The following SEMA3G variants were observed in gnomAD, a reference collection of about 807,000 sequenced individuals.
SEMA3G encodes the protein semaphorin 3G.
A neutral mutation model predicts 86.2 loss-of-function variants in SEMA3G; 70 were observed. The ratio of observed to expected loss-of-function variants is 0.81; its 90% confidence interval spans 0.67 to 0.99. SEMA3G has a LOEUF of 0.99. SEMA3G is among the 50% of genes least tolerant of loss of function. The pLI is 0.00. For synonymous variants in SEMA3G, 416 were observed against 441.4 expected, an observed-to-expected ratio of 0.94 and a Z score of 0.72; for missense variants, 1,002 against 1,072.4, an observed-to-expected ratio of 0.93 and a Z score of 0.92.
Position 52,436,350 on chromosome 3 carries a change from G to T in SEMA3G, c.1879-277C>A, listed in dbSNP as rs185946130. The stretch of plus-strand genomic sequence containing the variant: ...CCTTAGTCAGAGGACTCCAATCTTG[G>T]CCTCAGAGGGCCCTGGCACACATTC... On this transcript the variant is annotated intron_variant, in intron 15 of 15. Coordinates refer to ENST00000231721, the MANE Select transcript of SEMA3G (RefSeq NM_020163.3). Among the ~76,000 whole-genome samples, 196 of 152,336 alleles carry T rather than the reference G, an allele frequency of 1.3e-3. 1 individual carries two copies. Among genetic ancestry groups the T allele is most frequent in the South Asian group, 3.3e-3 (16 of 4,830 alleles).
At chr3:52,440,715 A>G in intron 9 of SEMA3G, 39 bp downstream of exon 9, 3 of 1,579,726 alleles carry the variant, frequency 1.9e-6, no homozygotes, top group Non-Finnish European at 2.6e-6. Context: ...GGACAAAGAC[A>G]GGGGCCCATC....
intron 5 of SEMA3G, 52 bp downstream of exon 5, chr3:52,441,767 A>T: frequency 6.3e-7 from 1 of 1,590,020 alleles, no homozygotes. Flanking sequence ...TCCCAGTGAC[A>T]TAGGCCAGCT....
intron 15 of SEMA3G, 49 bp from the exon 16 acceptor site, chr3:52,436,122 C>T (rs747545193): frequency 3.7e-5 from 56 of 1,533,914 alleles, no homozygotes; most frequent in Non-Finnish European, 4.7e-5. Context: ...TGGGAGTTTA[C>T]CATCGGCTTC....
chr3:52,442,183 A>T lies in SEMA3G; in HGVS notation c.459+2T>A. 1 of 1,612,320 alleles carries T rather than the reference A, an allele frequency of 6.2e-7. No homozygotes were observed. The highest frequency in any genetic ancestry group is 8.5e-7 in the Non-Finnish European group (1 of 1,179,224). On this transcript the variant is annotated splice_donor_variant, in intron 4 of 15. Coordinates refer to ENST00000231721, the MANE Select transcript of SEMA3G (RefSeq NM_020163.3). LOFTEE classifies it high-confidence loss of function. This position sits in a 1 kb window ranked among gnomAD's most constrained non-coding sequence, Gnocchi z 6.1. ...CCCTTGTGGGGCCTGGCCCAGGCTC[A>T]CCTCCCCACGGTGGCCAACTGTGAT...
chr3:52,437,376 T>C (rs1186334202), intron 15 of SEMA3G, 151 bp downstream of exon 15: 9 of 779,394 alleles, frequency 1.2e-5, no homozygotes, highest in Non-Finnish European at 1.6e-5. Flanking sequence ...CACCTCCTTC[T>C]AGGCACCCCA....
chr3:52,439,356 TC>T (rs1706103248), intron 12 of SEMA3G, among the ~76,000 whole-genome samples: 1 of 151,952 alleles, frequency 6.6e-6, no homozygotes, highest in African/African-American at 2.4e-5. Flanking sequence ...CTCAACCATC[TC>T]CTCCTTGCAA....
At chr3:52,437,812 G>T in intron 14 of SEMA3G, 146 bp from the exon 15 acceptor site, 1 of 1,147,656 alleles carries the variant, frequency 8.7e-7, no homozygotes, top group Non-Finnish European at 1.2e-6. Flanking sequence ...TGTGTCCAAA[G>T]ACCCTGCTTC....
rs1288007991 is a variant in SEMA3G, at chr3:52,441,444, G to T, written c.668-35C>A. Reference sequence around the variant, plus strand: ...TGACAGGGTCATGCTGGGTGGAGGGGCCCCACAGGGGAGGATGGGAGTAGA... The same window carrying T: ...TGACAGGGTCATGCTGGGTGGAGGGTCCCCACAGGGGAGGATGGGAGTAGA... On this transcript the variant is annotated intron_variant, in intron 6 of 15. Coordinates refer to ENST00000231721, the MANE Select transcript of SEMA3G (RefSeq NM_020163.3). 3.7e-6 allele frequency: 6 copies of T among 1,609,174 alleles called. No individual in the cohort carries two copies. The South Asian group carries it at 6.6e-5, about 18-fold the overall frequency.
At position 52,442,038 on chromosome 3, in the gene SEMA3G, C is replaced by G; in HGVS notation, c.460-129G>C. 1 of 1,328,532 alleles carries G rather than the reference C, an allele frequency of 7.5e-7. No homozygotes were observed. 82.3% of individuals were successfully genotyped at this position (1,328,532 alleles called of 1,614,324 possible). On this transcript the variant is annotated intron_variant, in intron 4 of 15. Transcript: ENST00000231721. This position sits in a 1 kb window ranked among gnomAD's most constrained non-coding sequence, Gnocchi z 6.1. ...GGCGGAAGGCGTCCTCATCCAGGGC[C>G]CCTCTAATGGGGTCAGCTCCCCAAC... is the stretch of plus-strand genomic sequence containing the variant.
At position 52,437,533 on chromosome 3, in the gene SEMA3G, A is replaced by T; in HGVS notation, c.1872T>A (p.Pro624=). 1 of 1,612,372 alleles carries T rather than the reference A, an allele frequency of 6.2e-7. No individual in the cohort carries two copies. The highest frequency in any genetic ancestry group is 2.2e-5 in the East Asian group (1 of 44,858). ...CAGGGGTCTCCTCACTCACCTGGTC[A>T]GGCCCCTCATCCCCTGGCCTCTGCA... ...WLLQRPGDEG[P]DQVKTDERVL... Residue 624 remains proline, a synonymous_variant, in exon 15 of 16, where the codon CCT becomes CCA. Coordinates refer to ENST00000231721, the MANE Select transcript of SEMA3G (RefSeq NM_020163.3).
At chr3:52,441,755 C>T (rs544542231) in intron 5 of SEMA3G, 64 bp downstream of exon 5, 1 of 1,591,274 alleles carries the variant, frequency 6.3e-7, no homozygotes, top group African/African-American at 1.3e-5. Context: ...GGGTCCCTCC[C>T]TTCCCAGTGA....
chr3:52,441,013 T>C lies in SEMA3G; in HGVS notation c.849A>G (p.Lys283=), dbSNP rs764533756. The C allele has an allele frequency of 3.7e-6, 6 of 1,603,756 alleles. No homozygotes were observed. In the South Asian group the frequency reaches 4.4e-5, roughly 12 times the overall value. Residue 283 remains lysine (K), a synonymous_variant, in exon 8 of 16, where the codon AAA becomes AAG. Transcript: ENST00000231721. ...DAGGQRVLVN[K]WSTFLKARLV... ...GCCTGGCCTTGAGGAAAGTGCTCCA[T>C]TTGTTCACCAGCACCCGCTGGCCCC... is the stretch of plus-strand genomic sequence containing the variant.
At chr3:52,443,311 G>A (rs1578259925) in intron 1 of SEMA3G, among the ~76,000 whole-genome samples, 1 of 152,316 alleles carries the variant, frequency 6.6e-6, no homozygotes, top group East Asian at 1.9e-4. Context: ...TCAGCTGGAG[G>A]GTGGGCCAGC....
At chr3:52,443,623 T>C (rs1706202914) in intron 1 of SEMA3G, among the ~76,000 whole-genome samples, 1 of 152,044 alleles carries the variant, frequency 6.6e-6, no homozygotes, top group South Asian at 2.1e-4. Flanking sequence ...GCCCAGAGTG[T>C]CCTATGCCTT....
In SEMA3G at chr3:52,444,990, C is replaced by G; in HGVS notation, c.38G>C (p.Gly13Ala). ...GCTACCCCCATGGAGCAGGAGGCCC[C>G]CTAGCAGCCAGCAAATGGCCCAGGC... is the stretch of plus-strand genomic sequence containing the variant. Reference protein sequence around the residue: ...PSAWAICWLLGGLLLHGGSSG... With the variant: ...PSAWAICWLLAGLLLHGGSSG... Residue 13 changes from glycine (G) to alanine (A), a missense_variant, in exon 1 of 16, where the codon GGG (glycine) becomes GCG (alanine). By Grantham distance (60) the Gly-to-Ala change is moderately conservative. Coordinates refer to ENST00000231721, the MANE Select transcript of SEMA3G (RefSeq NM_020163.3). The G allele has an allele frequency of 2.3e-6, 3 of 1,290,620 alleles. No individual in the cohort carries two copies. The highest frequency in any genetic ancestry group is 3.0e-6 in the Non-Finnish European group (3 of 1,013,218). The allele number at this position is 1,290,620 out of a possible 1,614,324, so 79.9% of individuals were successfully genotyped here. A position where few individuals can be genotyped will look rare whatever the true frequency, so the allele number is the denominator to read the frequency against.
rs1391694028 is a variant in SEMA3G at position 52,435,767 on chromosome 3, C to T, written c.2185G>A (p.Val729Met). 31 of 1,614,018 alleles carry T rather than the reference C, an allele frequency of 1.9e-5. No individual in the cohort carries two copies. The Middle Eastern group carries it at 8.2e-4, about 43-fold the overall frequency. Reference protein sequence around the residue: ...LPRVDEYCERVWCRGTTECSG... With the variant: ...LPRVDEYCERMWCRGTTECSG... The stretch of plus-strand genomic sequence containing the variant: ...CATTCCGTGGTGCCCCTGCACCACA[C>T]GCGCTCACAGTACTCATCCACCCGG... The change falls in exon 16 of 16, where the codon GTG becomes ATG. Residue 729 changes from valine to methionine, a missense_variant. Physicochemically the swap from Val to Met is conservative, Grantham distance 21. Coordinates refer to ENST00000231721, the MANE Select transcript of SEMA3G (RefSeq NM_020163.3).
rs544100630 is a variant in SEMA3G, at chr3:52,439,957, T to G, written c.1285A>C (p.Lys429Gln). ...TGTAGCTGCTGGGCCAGGTGGGTCT[T>G]GACAAGGACAGGGCGGCCATGTCGA... ...RPRHGRPVLV[K>Q]THLAQQLHQI... The change falls in exon 11 of 16, where the codon AAG becomes CAG. Residue 429 changes from lysine to glutamine, a missense_variant. Transcript: ENST00000231721. 1.2e-5 allele frequency: 19 copies of G among 1,613,696 alleles called. No homozygotes were observed. The highest frequency in any genetic ancestry group is 5.9e-6 in the Non-Finnish European group (7 of 1,179,986).
At chr3:52,441,720 G>A (rs1706161023) in intron 5 of SEMA3G, 30 bp from the exon 6 acceptor site, 2 of 1,603,122 alleles carry the variant, frequency 1.2e-6, no homozygotes, top group African/African-American at 2.7e-5. Flanking sequence ...ACAGAGTCAG[G>A]GGAGGAGGCC....
chr3:52,441,367 T>TCAGAGTTCTCAGGGATCCGGGCGGC lies in SEMA3G; in HGVS notation c.685_709dup (p.Asp237GlyfsTer6). On this transcript the variant is annotated stop_gained and frameshift_variant, in exon 7 of 16. Transcript: ENST00000231721. LOFTEE classifies it high-confidence loss of function. ...GAAGTACACCTTGTCATTGTCCTGG[T>TCAGAGTTCTCAGGGATCCGGGCGGC]CAGAGTTCTCAGGGATCCGGGCGGC... The TCAGAGTTCTCAGGGATCCGGGCGGC allele has an allele frequency of 6.8e-6, 11 of 1,613,730 alleles. No individual in the cohort carries two copies. The highest frequency in any genetic ancestry group is 9.3e-6 in the Non-Finnish European group (11 of 1,179,978).
Sources: allele counts gnomAD v4.1 joint callset (sites outside exome capture counted in the v4.1 genomes callset), GRCh38; gene constraint gnomAD v4.1.1; non-coding constraint Gnocchi (gnomAD v3.1); transcripts MANE v1.5; gene names NCBI Gene and HGNC (gene_info 2026-07-23, HGNC 2026-07-21).